The following NEK4 variants were observed in gnomAD, a reference collection of about 807,000 sequenced individuals.
NEK4 encodes serine/threonine-protein kinase Nek4.
NEK4 carries 86 observed loss-of-function variants against 98.4 expected under a neutral mutation model. The observed-to-expected ratio is 0.87, with a 90% CI of 0.73 to 1.05. The LOEUF is 1.05. Ranked by LOEUF, NEK4 falls within the 50% of genes least tolerant of loss-of-function variation. NEK4 has a pLI of 0.00. For missense variants in NEK4, 898 were observed against 950.3 expected (o/e 0.94, Z 0.72); for synonymous variants, 328 against 342.2 (o/e 0.96, Z 0.46).
At chr3:52,730,066 C>T (rs1485753383) in intron 15 of NEK4, among the ~76,000 whole-genome samples, 1 of 152,114 alleles carries the variant, frequency 6.6e-6, no homozygotes, top group African/African-American at 2.4e-5. Context: ...TGAAATTGCG[C>T]CATGGCACTC....
At chr3:52,714,083 A>G (rs1447662541) in intron 15 of NEK4, among the ~76,000 whole-genome samples, 1 of 152,098 alleles carries the variant, frequency 6.6e-6, no homozygotes, top group East Asian at 1.9e-4. Flanking sequence ...AAGACTACAA[A>G]AAATTAGCCA....
intron 14 of NEK4, among the ~76,000 whole-genome samples, chr3:52,738,046 C>T (rs2154103478): frequency 6.6e-6 from 1 of 152,180 alleles, no homozygotes; most frequent in East Asian, 1.9e-4. Flanking sequence ...ATCTCCTGAC[C>T]TCGTGACCCA....
chr3:52,770,689 C>T lies in NEK4; in HGVS notation c.58G>A (p.Val20Met). ...RVVGKGSYGE[V>M]TLVKHRRDGK... ...TCCCGCCGGTGCTTCACAAGCGTCA[C>T]CTCTCCATAGCTCCCCTTGCCCACG... The change falls in exon 1 of 16, where the codon GTG becomes ATG. Residue 20 changes from valine to methionine, a missense_variant. Physicochemically the swap from Val to Met is conservative, Grantham distance 21. Transcript: ENST00000233027. 1.9e-6 allele frequency: 3 copies of T among 1,575,724 alleles called. No individual in the cohort carries two copies. Among genetic ancestry groups the T allele is most frequent in the Non-Finnish European group, 2.6e-6 (3 of 1,161,746 alleles).
At chr3:52,761,808 A>G (rs181774607) in intron 5 of NEK4, among the ~76,000 whole-genome samples, 12 of 152,326 alleles carry the variant, frequency 7.9e-5, no homozygotes, top group African/African-American at 1.7e-4. Context: ...CAAATTTTAC[A>G]TGTCTGTAAT....
chr3:52,758,657 A>C (rs920590645), intron 6 of NEK4, among the ~76,000 whole-genome samples: 17 of 152,052 alleles, frequency 1.1e-4, no homozygotes, highest in Admixed American at 7.9e-4. Flanking sequence ...TTAAAAACAA[A>C]AAAAAAAATT....
At chr3:52,760,094 G>C (rs1698301968) in intron 6 of NEK4, among the ~76,000 whole-genome samples, 1 of 152,232 alleles carries the variant, frequency 6.6e-6, no homozygotes, top group East Asian at 1.9e-4. Flanking sequence ...GCTTAATGAG[G>C]AAGAGATTTC....
intron 15 of NEK4, among the ~76,000 whole-genome samples, chr3:52,717,532 C>CTCCAAAACCGGGTGGCTTCT (rs2097356236): frequency 6.6e-6 from 1 of 152,006 alleles, no homozygotes; most frequent in Non-Finnish European, 1.5e-5. Context: ...AGGCTACTGC[C>CTCCAAAACCGGGTGGCTTCT]CCATCTCCCT....
In NEK4 at chr3:52,740,441, A is replaced by G. The variant is rs542716205; in HGVS notation, c.2094-807T>C. On this transcript the variant is annotated intron_variant, in intron 13 of 15. Transcript: ENST00000233027. ...ATAGGATTAACAGATTAGACACTGCAGAAGAAAAGATTAATGAACTCAAAG... is the reference window on the plus strand; with the variant it reads ...ATAGGATTAACAGATTAGACACTGCGGAAGAAAAGATTAATGAACTCAAAG... 6.6e-5 allele frequency among the ~76,000 whole-genome samples: 10 copies of G among 152,336 alleles called. No homozygotes were observed. The East Asian group carries it at 1.7e-3, about 26-fold the overall frequency.
chr3:52,770,590 C>G (rs1397986157), intron 1 of NEK4, 64 bp downstream of exon 1: 6 of 1,299,000 alleles, frequency 4.6e-6, no homozygotes, highest in Non-Finnish European at 5.4e-6. Flanking sequence ...CCTAATCTAC[C>G]GGTCGGCGCC....
At chr3:52,727,681 G>A (rs1002050500) in intron 15 of NEK4, among the ~76,000 whole-genome samples, 86 of 152,220 alleles carry the variant, frequency 5.6e-4, no homozygotes, top group African/African-American at 1.9e-4. Context: ...CAGGTTGGAC[G>A]GGCTGGTGTG....
Position 52,770,854 on chromosome 3 carries a change from G to GTTGAGGCAGTGGGGGCGGCTC in NEK4, c.-109_-108insGAGCCGCCCCCACTGCCTCAA. On this transcript the variant is annotated 5_prime_UTR_variant, in exon 1 of 16. Transcript: ENST00000233027. ...CCGAGAGGGGGCAGTGGGGGCGGCT[G>GTTGAGGCAGTGGGGGCGGCTC]TTGAGGCAGCCGGGCCCGGGCGGGA... 1 of 982,826 alleles carries GTTGAGGCAGTGGGGGCGGCTC rather than the reference G, an allele frequency of 1.0e-6. No individual in the cohort carries two copies. The highest frequency in any genetic ancestry group is 1.6e-5 in the African/African-American group (1 of 61,486). 60.9% of individuals were successfully genotyped at this position (982,826 alleles called of 1,614,324 possible).
intron 15 of NEK4, chr3:52,732,580 C>T (rs928482727): frequency 7.0e-6 from 2 of 286,702 alleles, no homozygotes; most frequent in African/African-American, 4.5e-5. Flanking sequence ...AGGAAAGACT[C>T]TTACTCAGCG....
intron 2 of NEK4, among the ~76,000 whole-genome samples, chr3:52,767,066 T>C (rs1242288767): frequency 6.6e-6 from 1 of 151,424 alleles, no homozygotes; most frequent in African/African-American, 2.4e-5. Context: ...AGCGGATCAC[T>C]TGAGGCCAGG....
intron 8 of NEK4, among the ~76,000 whole-genome samples, chr3:52,749,187 C>G (rs1007757787): frequency 4.6e-5 from 7 of 151,932 alleles, no homozygotes; most frequent in African/African-American, 1.4e-4. Flanking sequence ...GGCTGGAGTG[C>G]ACTGGGTCAA....
intron 15 of NEK4, among the ~76,000 whole-genome samples, chr3:52,716,420 G>A (rs1198051449): frequency 1.3e-5 from 2 of 152,164 alleles, no homozygotes; most frequent in East Asian, 1.9e-4. Flanking sequence ...TTCCCAAAGA[G>A]GCCAGTTTCA....
chr3:52,728,833 C>A (rs368975104), intron 15 of NEK4, among the ~76,000 whole-genome samples: 1 of 152,078 alleles, frequency 6.6e-6, no homozygotes, highest in Non-Finnish European at 1.5e-5. Context: ...GGTCTATAAA[C>A]GGCTGCTCTG....
intron 6 of NEK4, among the ~76,000 whole-genome samples, chr3:52,757,314 T>A (rs893623261): frequency 4.6e-5 from 7 of 152,150 alleles, no homozygotes; most frequent in Admixed American, 3.9e-4. Flanking sequence ...TTCTAGCACT[T>A]TGGGAGGCCA....
chr3:52,752,479 C>A (rs1225894473), intron 6 of NEK4, 143 bp from the exon 7 acceptor site: 3 of 729,242 alleles, frequency 4.1e-6, no homozygotes, highest in East Asian at 5.0e-5. Context: ...AGTATGTAAT[C>A]CAAGGAACTG....
chr3:52,733,334 C>T (rs1219339780), intron 15 of NEK4: 6 of 358,540 alleles, frequency 1.7e-5, no homozygotes, highest in Non-Finnish European at 2.8e-5. Flanking sequence ...TGCACAACAT[C>T]AAAGAATTCA....
Sources: gnomAD v4.1 joint callset for allele counts (sites outside exome capture counted in the v4.1 genomes callset) on GRCh38, gnomAD v4.1.1 for gene constraint, MANE v1.5 for transcripts, NCBI Gene and HGNC (gene_info 2026-07-23, HGNC 2026-07-21) for gene names.